The following CEP85L variants were observed in gnomAD, a reference collection of about 807,000 sequenced individuals.
CEP85L encodes the protein centrosomal protein of 85 kDa-like.
In CEP85L, 60 loss-of-function variants were observed where a neutral mutation model predicts 100.3. The ratio of observed to expected loss-of-function variants is 0.60; its 90% CI spans 0.49 to 0.74. CEP85L has a LOEUF of 0.74. Ranked by LOEUF, CEP85L falls within the 30% of genes least tolerant of loss-of-function variation. The pLI is 0.00. For synonymous variants in CEP85L, 319 were observed against 322.7 expected (o/e 0.99, Z 0.12); for missense variants, 973 against 936.2 (o/e 1.04, Z -0.51).
chr6:118,645,502 T>A (rs1369914144), intron 1 of CEP85L, among the ~76,000 whole-genome samples: 1 of 152,126 alleles, frequency 6.6e-6, no homozygotes, highest in Non-Finnish European at 1.5e-5. Context: ...AGACCTCATC[T>A]CTACAGAAAA....
intron 5 of CEP85L, chr6:118,501,639 CTTA>C (rs1310800835): frequency 1.6e-6 from 1 of 633,784 alleles, no homozygotes; most frequent in East Asian, 3.5e-5. Flanking sequence ...CCAGAGACCA[CTTA>C]TTATAAAGCT....
chr6:118,510,282 T>C (rs1775891900), intron 5 of CEP85L, among the ~76,000 whole-genome samples: 1 of 151,960 alleles, frequency 6.6e-6, no homozygotes. Context: ...AATAATAATA[T>C]AAACAAAATA....
chr6:118,580,271 T>C (rs1330460230), intron 2 of CEP85L, among the ~76,000 whole-genome samples: 3 of 152,182 alleles, frequency 2.0e-5, no homozygotes, highest in African/African-American at 7.2e-5. Context: ...TGTCGTCGTA[T>C]TTAAACTGGC....
At chr6:118,524,093 G>A (rs1582974491) in intron 3 of CEP85L, among the ~76,000 whole-genome samples, 173 bp from the exon 4 acceptor site, 1 of 152,074 alleles carries the variant, frequency 6.6e-6, no homozygotes, top group East Asian at 1.9e-4. Flanking sequence ...TTTCAAGGAA[G>A]TTCTAAAGGA....
intron 10 of CEP85L, among the ~76,000 whole-genome samples, chr6:118,475,444 C>G (rs1773294333): frequency 6.7e-6 from 1 of 150,006 alleles, no homozygotes; most frequent in Non-Finnish European, 1.5e-5. Context: ...AGCTCCACCT[C>G]CTGGGTTCAT....
chr6:118,597,943 G>GT (rs1781539169), intron 2 of CEP85L, among the ~76,000 whole-genome samples: 2 of 152,276 alleles, frequency 1.3e-5, no homozygotes, highest in South Asian at 4.1e-4. Flanking sequence ...CTCTATTGAG[G>GT]TTGAAGTCAG....
rs891678384 is a variant in CEP85L, at chr6:118,548,039, A to C, written c.1020+17490T>G. On this transcript the variant is annotated intron_variant, in intron 3 of 12. Coordinates refer to ENST00000368491, the MANE Select transcript of CEP85L (RefSeq NM_001042475.3). ...TTATCTCTAAGCCTGAAGATGCATG[A>C]ATCTTTAACAAAAGCTTTCCACCAC... 3.3e-5 allele frequency among the ~76,000 whole-genome samples: 5 copies of C among 152,232 alleles called. No individual in the cohort carries two copies. The South Asian group carries it at 1.0e-3, about 32-fold the overall frequency.
upstream of CEP85L, among the ~76,000 whole-genome samples, chr6:118,653,003 G>A (rs1055102285): frequency 7.2e-5 from 11 of 151,936 alleles, no homozygotes; most frequent in Non-Finnish European, 1.0e-4. Flanking sequence ...ACAGTCTCAG[G>A]AACAGAATTT....
rs1436703612 is a variant in CEP85L, at chr6:118,479,893, T to G, written c.1892A>C (p.Asp631Ala). ...KIIDSQQDEIDRMILEIQSMQ... is the reference protein window; with the variant it reads ...KIIDSQQDEIARMILEIQSMQ... ...TACCTGAATTTCTAAAATCATTCTG[T>G]CAATCTCATCTTGTTGGCTGTCTAT... The change falls in exon 10 of 13, where the codon GAC (aspartate) becomes GCC (alanine). Residue 631 changes from aspartate to alanine, a missense_variant. By Grantham distance (126) the Asp-to-Ala change is moderately radical. Transcript: ENST00000368491. 2 of 1,504,908 alleles carry G rather than the reference T, an allele frequency of 1.3e-6. No homozygotes were observed. The allele number at this position is 1,504,908 out of a possible 1,614,324, so 93.2% of individuals were successfully genotyped here. A position where few individuals can be genotyped will look rare whatever the true frequency, so the allele number is the denominator to read the frequency against.
chr6:118,567,237 G>GTATA (rs1779581913), intron 2 of CEP85L, among the ~76,000 whole-genome samples: 1 of 86,880 alleles, frequency 1.2e-5, no homozygotes, highest in African/African-American at 5.3e-5. Context: ...GTGTGTGTGT[G>GTATA]TGTGTGTGTG....
At chr6:118,603,352 GTTTAA>G (rs1223077446) in intron 2 of CEP85L, among the ~76,000 whole-genome samples, 9 of 152,182 alleles carry the variant, frequency 5.9e-5, no homozygotes, top group Admixed American at 5.2e-4. Context: ...TGTAAGTCAA[GTTTAA>G]TTTCTTAAAG....
chr6:118,559,387 T>C, intron 3 of CEP85L: 1 of 377,722 alleles, frequency 2.6e-6, no homozygotes, highest in South Asian at 2.5e-5. Context: ...ATGAAGAGTT[T>C]AGTTTTAAAA....
chr6:118,651,335 G>C lies in CEP85L; in HGVS notation c.-66C>G, dbSNP rs918519869. 1.4e-6 allele frequency: 2 copies of C among 1,388,346 alleles called. No homozygotes were observed. The highest frequency in any genetic ancestry group is 3.0e-5 in the African/African-American group (2 of 65,928). 86.0% of individuals were successfully genotyped at this position (1,388,346 alleles called of 1,614,324 possible). A position where few individuals can be genotyped will look rare whatever the true frequency, so the allele number is the denominator to read the frequency against. The stretch of plus-strand genomic sequence containing the variant: ...CTCACGTCCGTCCTCCTGCTTCTTC[G>C]GCGGCGGAAACTTGCGCGGAGCGTG... On this transcript the variant is annotated 5_prime_UTR_variant, in exon 1 of 13. Coordinates refer to ENST00000368491, the MANE Select transcript of CEP85L (RefSeq NM_001042475.3).
At chr6:118,513,216 T>C (rs1776071470) in intron 4 of CEP85L, among the ~76,000 whole-genome samples, 1 of 151,772 alleles carries the variant, frequency 6.6e-6, no homozygotes, top group Admixed American at 6.6e-5. Context: ...AGAGGCCAAA[T>C]ACATGTACAA....
At chr6:118,511,474 C>A in intron 4 of CEP85L, 59 bp from the exon 5 acceptor site, 1 of 1,051,270 alleles carries the variant, frequency 9.5e-7, no homozygotes, top group Non-Finnish European at 1.5e-6. Flanking sequence ...GTTAGAAGAA[C>A]CTTAAGGAGC....
chr6:118,647,279 GTTTCCTGTAACA>G (rs1207424439), intron 1 of CEP85L, among the ~76,000 whole-genome samples: 11 of 152,292 alleles, frequency 7.2e-5, no homozygotes, highest in African/African-American at 2.4e-4. Flanking sequence ...CAGCTCAAGT[GTTTCCTGTAACA>G]TTTTATTTTC....
intron 2 of CEP85L, among the ~76,000 whole-genome samples, chr6:118,630,365 T>C (rs1774067041): frequency 6.6e-6 from 1 of 152,180 alleles, no homozygotes; most frequent in African/African-American, 2.4e-5. Flanking sequence ...CCTGTCAGAA[T>C]GGCCTATACA....
intron 6 of CEP85L, chr6:118,491,425 C>A: frequency 8.9e-7 from 1 of 1,120,828 alleles, no homozygotes; most frequent in Non-Finnish European, 1.1e-6. Context: ...AAAAGGAGAA[C>A]AGTTATTTGG....
chr6:118,621,357 C>T (rs1455516356), intron 2 of CEP85L, among the ~76,000 whole-genome samples: 1 of 152,158 alleles, frequency 6.6e-6, no homozygotes, highest in East Asian at 1.9e-4. Flanking sequence ...CTGTTCTGGA[C>T]CTCAAGGATG....
Sources: allele counts gnomAD v4.1 joint callset (sites outside exome capture counted in the v4.1 genomes callset), GRCh38; gene constraint gnomAD v4.1.1; transcripts MANE v1.5; gene names NCBI Gene and HGNC (gene_info 2026-07-23, HGNC 2026-07-21).